Variants in KCNQ1 observed in about 807,000 individuals in gnomAD.
KCNQ1 encodes potassium voltage-gated channel subfamily KQT member 1.
In KCNQ1, 49 loss-of-function variants were observed where a neutral mutation model predicts 72.4. That is an observed-to-expected ratio of 0.68 (90% CI 0.54 to 0.86). KCNQ1 has a LOEUF of 0.86. KCNQ1 is among the 40% of genes least tolerant of loss of function. The pLI, the probability that KCNQ1 is intolerant of heterozygous loss-of-function variation, is 0.00. For missense variants in KCNQ1, 790 were observed against 945.1 expected (o/e 0.84, Z 2.15); for synonymous variants, 450 against 412.6 (o/e 1.09, Z -1.10).
intron 2 of KCNQ1, among the ~76,000 whole-genome samples, chr11:2,561,887 A>G (rs750816713): frequency 7.3e-5 from 11 of 150,854 alleles, no homozygotes; most frequent in African/African-American, 9.8e-5. Context: ...CTCAGGAGGG[A>G]CACAGAGGGC....
At chr11:2,581,767 C>T (rs958600509) in intron 6 of KCNQ1, among the ~76,000 whole-genome samples, 1 of 152,270 alleles carries the variant, frequency 6.6e-6, no homozygotes, top group African/African-American at 2.4e-5. Context: ...AGCATCCCAT[C>T]TCTGCATGGG....
At chr11:2,459,683 C>T (rs1320525534) in intron 1 of KCNQ1, among the ~76,000 whole-genome samples, 1 of 152,090 alleles carries the variant, frequency 6.6e-6, no homozygotes, top group Non-Finnish European at 1.5e-5. Flanking sequence ...TGGTCCCTCC[C>T]CCCAGACCAC....
chr11:2,666,521 C>T, intron 11 of KCNQ1: 1 of 398,720 alleles, frequency 2.5e-6, no homozygotes, highest in Non-Finnish European at 4.4e-6. Flanking sequence ...TGTGGCCTGG[C>T]TTTCATCCAC....
Position 2,544,394 on chromosome 11 carries a change from G to GTA in KCNQ1, c.477+16382_477+16383dup, listed in dbSNP as rs1392664827. Among the ~76,000 whole-genome samples, 122 of 147,520 alleles carry GTA rather than the reference G, an allele frequency of 8.3e-4. No homozygotes were observed. Among genetic ancestry groups the GTA allele is most frequent in the African/African-American group, 2.6e-3 (104 of 39,270 alleles). On this transcript the variant is annotated intron_variant, in intron 2 of 15. Transcript: ENST00000155840. The surrounding 1 kb of genome is among the most constrained non-coding windows in gnomAD (Gnocchi z 4.4). ...TGTATATATATGTGTGCATATATGT[G>GTA]TATATATGTGTGTGTATATATATAT...
rs537417339 is a variant in KCNQ1, at chr11:2,745,400, G to T, written c.1515-23444G>T. On this transcript the variant is annotated intron_variant, in intron 11 of 15. Coordinates refer to ENST00000155840, the MANE Select transcript of KCNQ1 (RefSeq NM_000218.3). This position sits in a 1 kb window ranked among gnomAD's most constrained non-coding sequence, Gnocchi z 6.2. ...GAGACCTTCTTTCCCCTGCTATTTT[G>T]GAATTTTTTCTCCCAGGAGTTTATT... Among the ~76,000 whole-genome samples the T allele has an allele frequency of 6.6e-6, 1 of 152,214 alleles. No individual in the cohort carries two copies. Among genetic ancestry groups the T allele is most frequent in the Non-Finnish European group, 1.5e-5 (1 of 68,008 alleles).
chr11:2,664,826 G>C lies in KCNQ1; in HGVS notation c.1514+2745G>C. ...TTCCATTTTTCTTCAGCATTCTACT[G>C]ATGTTAAATGTATTACCATGCTGGG... On this transcript the variant is annotated intron_variant, in intron 11 of 15. Coordinates refer to ENST00000155840, the MANE Select transcript of KCNQ1 (RefSeq NM_000218.3). This position sits in a 1 kb window ranked among gnomAD's most constrained non-coding sequence, Gnocchi z 5.1. The C allele has an allele frequency of 2.5e-6, 1 of 398,684 alleles. No individual in the cohort carries two copies. Among genetic ancestry groups the C allele is most frequent in the Non-Finnish European group, 4.4e-6 (1 of 226,100 alleles). The allele number at this position is 398,684 out of a possible 1,614,324, so 24.7% of individuals were successfully genotyped here.
At chr11:2,584,105 C>G (rs1848547447) in intron 7 of KCNQ1, among the ~76,000 whole-genome samples, 1 of 152,038 alleles carries the variant, frequency 6.6e-6, no homozygotes, top group Non-Finnish European at 1.5e-5. Flanking sequence ...TGTGTATGTA[C>G]TGTATGTGTG....
In KCNQ1 at chr11:2,471,653, TATGGGTGTGTGC is replaced by T. The variant is rs1564790400; in HGVS notation, c.386+26179_386+26190del. 6.6e-6 allele frequency among the ~76,000 whole-genome samples: 1 copy of T among 151,750 alleles called. No individual in the cohort carries two copies. The highest frequency in any genetic ancestry group is 1.5e-5 in the Non-Finnish European group (1 of 67,890). On this transcript the variant is annotated intron_variant, in intron 1 of 15. Transcript: ENST00000155840. The surrounding 1 kb of genome is among the most constrained non-coding windows in gnomAD (Gnocchi z 4.8). ...ATGCACGGATGTGTGTACACATGTGTATGGGTGTGTGCATGGGTGTGCACATGTGTATGGGTG... is the reference window on the plus strand; with the variant it reads ...ATGCACGGATGTGTGTACACATGTGTATGGGTGTGCACATGTGTATGGGTG...
rs1458753008 is a variant in KCNQ1 at position 2,818,755 on chromosome 11, C to T, written c.1795-29012C>T. 6.6e-6 allele frequency among the ~76,000 whole-genome samples: 1 copy of T among 152,040 alleles called. No homozygotes were observed. The highest frequency in any genetic ancestry group is 1.5e-5 in the Non-Finnish European group (1 of 67,982). On this transcript the variant is annotated intron_variant, in intron 15 of 15. Coordinates refer to ENST00000155840, the MANE Select transcript of KCNQ1 (RefSeq NM_000218.3). The surrounding 1 kb of genome is among the most constrained non-coding windows in gnomAD (Gnocchi z 7.2). Reference sequence around the variant, plus strand: ...GATGACCCAGGCCTTTCCCCCTGCCCAGGCTAGCCTTGTGCTCAGCTGCCA... The same window carrying T: ...GATGACCCAGGCCTTTCCCCCTGCCTAGGCTAGCCTTGTGCTCAGCTGCCA...
chr11:2,689,394 C>A (rs7127825), intron 11 of KCNQ1: 10,446 of 398,620 alleles, frequency 0.026, 412 homozygotes, highest in East Asian at 0.095. Flanking sequence ...TGGAAGAAGC[C>A]CACTCTTGGG....
intron 10 of KCNQ1, chr11:2,656,481 G>A (rs1849849884): frequency 5.0e-6 from 2 of 398,546 alleles, no homozygotes; most frequent in East Asian, 3.6e-5. Flanking sequence ...TCTGCCACTC[G>A]CCCCCACGGG....
chr11:2,536,519 C>G lies in KCNQ1; in HGVS notation c.477+8501C>G, dbSNP rs561766104. 6.6e-6 allele frequency among the ~76,000 whole-genome samples: 1 copy of G among 152,124 alleles called. No homozygotes were observed. The highest frequency in any genetic ancestry group is 6.5e-5 in the Admixed American group (1 of 15,284). On this transcript the variant is annotated intron_variant, in intron 2 of 15. Coordinates refer to ENST00000155840, the MANE Select transcript of KCNQ1 (RefSeq NM_000218.3). This position sits in a 1 kb window ranked among gnomAD's most constrained non-coding sequence, Gnocchi z 7.4. ...GGGGAGACATGCTGAGCCCTCCCAG[C>G]GAGACACTGAGGGTCGGGAGGGTAA...
In KCNQ1 at chr11:2,653,315, T is replaced by C; in HGVS notation, c.1394-8646T>C. The C allele has an allele frequency of 2.5e-6, 1 of 398,716 alleles. No homozygotes were observed. Among genetic ancestry groups the C allele is most frequent in the Non-Finnish European group, 4.4e-6 (1 of 226,102 alleles). 24.7% of individuals were successfully genotyped at this position (398,716 alleles called of 1,614,324 possible). On this transcript the variant is annotated intron_variant, in intron 10 of 15. Transcript: ENST00000155840. The surrounding 1 kb of genome is among the most constrained non-coding windows in gnomAD (Gnocchi z 5.3). ...AGACCAGTTTAGCTATTTTGTAACC[T>C]TGACTGCCCCCAGGCCCATGTCCGT...
In KCNQ1 at chr11:2,683,482, A is replaced by G; in HGVS notation, c.1514+21401A>G. On this transcript the variant is annotated intron_variant, in intron 11 of 15. Coordinates refer to ENST00000155840, the MANE Select transcript of KCNQ1 (RefSeq NM_000218.3). The surrounding 1 kb of genome is among the most constrained non-coding windows in gnomAD (Gnocchi z 4.7). ...TGATTCCATCAATGACAGTTTTCCT[A>G]TTAAAACATAACTTGTTAAAGCATA... The G allele has an allele frequency of 2.5e-6, 1 of 398,656 alleles. No individual in the cohort carries two copies. Among genetic ancestry groups the G allele is most frequent in the Non-Finnish European group, 4.4e-6 (1 of 226,060 alleles). The allele number at this position is 398,656 out of a possible 1,614,324, so 24.7% of individuals were successfully genotyped here.
chr11:2,806,531 G>T (rs1847377836), intron 15 of KCNQ1, among the ~76,000 whole-genome samples: 1 of 152,226 alleles, frequency 6.6e-6, no homozygotes. Flanking sequence ...TACCCCGGTT[G>T]TGCCAGTGGC....
intron 11 of KCNQ1, among the ~76,000 whole-genome samples, chr11:2,747,700 C>T (rs1846162358): frequency 1.3e-5 from 2 of 152,274 alleles, no homozygotes; most frequent in South Asian, 4.2e-4. Context: ...TGCAGAAAGG[C>T]CACAGGCTAG....
In KCNQ1 at chr11:2,613,273, C is replaced by T; in HGVS notation, c.1393+24419C>T. 1 of 398,578 alleles carries T rather than the reference C, an allele frequency of 2.5e-6. No homozygotes were observed. Among genetic ancestry groups the T allele is most frequent in the Non-Finnish European group, 4.4e-6 (1 of 226,056 alleles). 24.7% of individuals were successfully genotyped at this position (398,578 alleles called of 1,614,324 possible). ...AGATAGCAGGAAACCTCTCTGATCT[C>T]TCCTGCAAGCATGTACAACTTCCAT... On this transcript the variant is annotated intron_variant, in intron 10 of 15. Coordinates refer to ENST00000155840, the MANE Select transcript of KCNQ1 (RefSeq NM_000218.3). The surrounding 1 kb of genome is among the most constrained non-coding windows in gnomAD (Gnocchi z 4.8).
In KCNQ1 at chr11:2,481,358, T is replaced by TGTGCGCGC. The variant is rs1430761524; in HGVS notation, c.386+35879_386+35886dup. Among the ~76,000 whole-genome samples the TGTGCGCGC allele has an allele frequency of 7.9e-5, 12 of 152,324 alleles. No individual in the cohort carries two copies. Among genetic ancestry groups the TGTGCGCGC allele is most frequent in the African/African-American group, 2.6e-4 (11 of 41,570 alleles). On this transcript the variant is annotated intron_variant, in intron 1 of 15. Coordinates refer to ENST00000155840, the MANE Select transcript of KCNQ1 (RefSeq NM_000218.3). The surrounding 1 kb of genome is among the most constrained non-coding windows in gnomAD (Gnocchi z 4.6). ...GCTAGTCTTTTTCTCGGCGTGTGTG[T>TGTGCGCGC]GTGCGCGCGTGCATGCACATGTTTC...
Position 2,657,803 on chromosome 11 carries a change from A to G in KCNQ1, c.1394-4158A>G, listed in dbSNP as rs1258328990. The stretch of plus-strand genomic sequence containing the variant: ...TTTTGAAGAATACCAGTCAGGTGTC[A>G]TTGTCCCTCAGTTTGGATTTGTCTG... On this transcript the variant is annotated intron_variant, in intron 10 of 15. Transcript: ENST00000155840. This position sits in a 1 kb window ranked among gnomAD's most constrained non-coding sequence, Gnocchi z 4.8. 7.5e-6 allele frequency: 3 copies of G among 398,464 alleles called. No individual in the cohort carries two copies. The highest frequency in any genetic ancestry group is 1.3e-5 in the Non-Finnish European group (3 of 226,052). 24.7% of individuals were successfully genotyped at this position (398,464 alleles called of 1,614,324 possible).
Sources: allele counts gnomAD v4.1 joint callset (sites outside exome capture counted in the v4.1 genomes callset), GRCh38; gene constraint gnomAD v4.1.1; non-coding constraint Gnocchi (gnomAD v3.1); transcripts MANE v1.5; gene names NCBI Gene and HGNC (gene_info 2026-07-23, HGNC 2026-07-21).